Variants in CHERP observed in about 807,000 individuals in gnomAD.
CHERP encodes calcium homeostasis endoplasmic reticulum protein, also known as ERPROT 213-21.
Under a neutral mutation model 113.8 loss-of-function variants are expected in CHERP, and 8 were observed. That is an observed-to-expected ratio of 0.07 (90% CI 0.04 to 0.13). CHERP has a LOEUF of 0.13. Among genes scored for constraint, CHERP ranks in the 10% least tolerant of loss-of-function variants. The pLI, the probability that CHERP is intolerant of heterozygous loss-of-function variation, is 1.00. For missense variants in CHERP, 884 were observed against 1,298.2 expected, an observed-to-expected ratio of 0.68 and a Z score of 4.90; for synonymous variants, 559 against 524.5, an observed-to-expected ratio of 1.07 and a Z score of -0.90.
chr19:16,520,357 T>C lies in CHERP; in HGVS notation c.2345+7A>G. On this transcript the variant is annotated splice_region_variant and intron_variant, in intron 14 of 16. Transcript: ENST00000546361. This position sits in a 1 kb window ranked among gnomAD's most constrained non-coding sequence, Gnocchi z 4.0. ...TCAGGCACTGCCCTGAGGCAGCCTC[T>C]GCCTACCTAGATCTGGAGCGGGAGT... 1.9e-6 allele frequency: 3 copies of C among 1,612,120 alleles called. No individual in the cohort carries two copies. The highest frequency in any genetic ancestry group is 1.7e-6 in the Non-Finnish European group (2 of 1,178,674).
At position 16,541,943 on chromosome 19, in the gene CHERP, G is replaced by C. The variant is rs780629272; in HGVS notation, c.126C>G (p.Pro42=). The C allele has an allele frequency of 6.2e-7, 1 of 1,614,154 alleles. No individual in the cohort carries two copies. Among genetic ancestry groups the C allele is most frequent in the Admixed American group, 1.7e-5 (1 of 60,032 alleles). The change falls in exon 2 of 17, where the codon CCC becomes CCG. Residue 42 remains proline, a synonymous_variant. Transcript: ENST00000546361. ...CGCCTCCGAAAAGAAACGAGAATTT[G>C]GGGTTGTCCTTCTGCTTCTCCATAG... ...KMTMEKQKDN[P]KFSFLFGGEF... is the part of the protein sequence containing the mutation.
At position 16,518,734 on chromosome 19, in the gene CHERP, TGGA is replaced by T. The variant is rs1293701235; in HGVS notation, c.*422_*424del. Reference sequence around the variant, plus strand: ...GTCAGGGCCGGTGGGTGCGGGGAGCTGGAGGAAGGAGCTGGGGTGCCGGCTCTG... The same window carrying T: ...GTCAGGGCCGGTGGGTGCGGGGAGCTGGAAGGAGCTGGGGTGCCGGCTCTG... On this transcript the variant is annotated 3_prime_UTR_variant, in exon 17 of 17. Transcript: ENST00000546361. 8.6e-5 allele frequency: 18 copies of T among 210,338 alleles called. No individual in the cohort carries two copies. The highest frequency in any genetic ancestry group is 1.5e-4 in the Non-Finnish European group (16 of 105,986). The allele number at this position is 210,338 out of a possible 1,614,324, so 13.0% of individuals were successfully genotyped here.
chr19:16,530,734 G>C lies in CHERP; in HGVS notation c.786+35C>G, dbSNP rs202032472. The C allele has an allele frequency of 1.9e-6, 3 of 1,613,854 alleles. No homozygotes were observed. Among genetic ancestry groups the C allele is most frequent in the Non-Finnish European group, 2.5e-6 (3 of 1,179,956 alleles). ...GGGAGGGGAAAGGCCTGTGTGTCCC[G>C]GTCTTGCCCAACCCCCGGCCCGGGG... is the stretch of plus-strand genomic sequence containing the variant. On this transcript the variant is annotated intron_variant, in intron 6 of 16. Transcript: ENST00000546361. The surrounding 1 kb of genome is among the most constrained non-coding windows in gnomAD (Gnocchi z 4.1).
chr19:16,522,971 C>T, intron 11 of CHERP, 81 bp downstream of exon 11: 3 of 1,439,816 alleles, frequency 2.1e-6, no homozygotes, highest in Non-Finnish European at 2.8e-6. Flanking sequence ...GCACCCGGTC[C>T]CGTGCATTCA....
In CHERP at chr19:16,542,431, C is replaced by T; in HGVS notation, c.-53G>A. ...GCGCCACACGATCGACCACCAGCGC[C>T]GTCTGCGGAAGCCGGCCGGAAGTGG... is the stretch of plus-strand genomic sequence containing the variant. On this transcript the variant is annotated 5_prime_UTR_variant, in exon 1 of 17. Transcript: ENST00000546361. The T allele has an allele frequency of 1.5e-6, 2 of 1,311,876 alleles. No individual in the cohort carries two copies. The highest frequency in any genetic ancestry group is 3.3e-5 in the Admixed American group (1 of 30,254). 81.3% of individuals were successfully genotyped at this position (1,311,876 alleles called of 1,614,324 possible).
intron 3 of CHERP, among the ~76,000 whole-genome samples, chr19:16,534,353 T>C (rs12461136): frequency 0.083 from 12,601 of 152,208 alleles, 602 homozygotes; most frequent in Admixed American, 0.11. Context: ...CCAGCTGGAA[T>C]TTTCTGAGAG....
intron 9 of CHERP, among the ~76,000 whole-genome samples, chr19:16,526,499 G>A (rs1367212949): frequency 1.3e-5 from 2 of 152,150 alleles, no homozygotes; most frequent in Non-Finnish European, 2.9e-5. Context: ...AGACAGTCTC[G>A]CTCTGTTGCC....
chr19:16,519,612 T>C lies in CHERP; in HGVS notation c.2557+9A>G, dbSNP rs1366744934. 5.6e-6 allele frequency: 9 copies of C among 1,613,018 alleles called. No individual in the cohort carries two copies. The highest frequency in any genetic ancestry group is 2.7e-5 in the African/African-American group (2 of 74,872). ...CCCATCCCGCGCCCTCCCCATTCCC[T>C]CGCCTTACCCATCTTCACCAGCATC... On this transcript the variant is annotated intron_variant, in intron 16 of 16. Transcript: ENST00000546361. The surrounding 1 kb of genome is among the most constrained non-coding windows in gnomAD (Gnocchi z 6.0).
intron 7 of CHERP, 57 bp from the exon 8 acceptor site, chr19:16,529,957 G>A: frequency 6.4e-7 from 1 of 1,560,620 alleles, no homozygotes. Flanking sequence ...TCGCTGCCTG[G>A]CGCCAGAGGA....
intron 5 of CHERP, among the ~76,000 whole-genome samples, chr19:16,531,599 G>A (rs910523084): frequency 3.3e-5 from 5 of 152,364 alleles, no homozygotes; most frequent in African/African-American, 1.2e-4. Context: ...GGCTGGGCGA[G>A]CAGCACTTGG....
Position 16,523,072 on chromosome 19 carries a change from G to T in CHERP, c.1960C>A (p.Leu654Met). Reference protein sequence around the residue: ...NVPYFDLPAGLMAPLVKLEDH... With the variant: ...NVPYFDLPAGMMAPLVKLEDH... ...ATTACCTTCACGAGGGGGGCCATCA[G>T]CCCAGCAGGGAGATCGAAGTAGGGC... is the stretch of plus-strand genomic sequence containing the variant. The change falls in exon 11 of 17, where the codon CTG becomes ATG. Residue 654 changes from leucine to methionine, a missense_variant. Physicochemically the swap from Leu to Met is conservative, Grantham distance 15. This residue lies in a region of CHERP where 464 missense variants were observed against 590.1 expected (regional missense o/e 0.79). Coordinates refer to ENST00000546361, the MANE Select transcript of CHERP (RefSeq NM_006387.6). The surrounding 1 kb of genome is among the most constrained non-coding windows in gnomAD (Gnocchi z 4.0). 1 of 1,523,290 alleles carries T rather than the reference G, an allele frequency of 6.6e-7. No homozygotes were observed. The highest frequency in any genetic ancestry group is 8.8e-7 in the Non-Finnish European group (1 of 1,139,006). 94.4% of individuals were successfully genotyped at this position (1,523,290 alleles called of 1,614,324 possible). A position where few individuals can be genotyped will look rare whatever the true frequency, so the allele number is the denominator to read the frequency against.
At position 16,518,462 on chromosome 19, in the gene CHERP, C is replaced by T. The variant is rs906153081; in HGVS notation, c.*697G>A. The T allele has an allele frequency of 6.6e-6, 1 of 152,134 alleles. No individual in the cohort carries two copies. Among genetic ancestry groups the T allele is most frequent in the Non-Finnish European group, 1.5e-5 (1 of 68,024 alleles). 9.4% of individuals were successfully genotyped at this position (152,134 alleles called of 1,614,324 possible). A position where few individuals can be genotyped will look rare whatever the true frequency, so the allele number is the denominator to read the frequency against. ...TGGCTACATTCCAGAAAAAAAATAT[C>T]AACTTATACAACTAAAATAACTGAA... On this transcript the variant is annotated 3_prime_UTR_variant, in exon 17 of 17. Coordinates refer to ENST00000546361, the MANE Select transcript of CHERP (RefSeq NM_006387.6).
At position 16,532,806 on chromosome 19, in the gene CHERP, C is replaced by T. The variant is rs2085715720; in HGVS notation, c.523-57G>A. The T allele has an allele frequency of 8.9e-6, 14 of 1,570,546 alleles. No individual in the cohort carries two copies. The highest frequency in any genetic ancestry group is 9.5e-6 in the Non-Finnish European group (11 of 1,153,468). On this transcript the variant is annotated intron_variant, in intron 4 of 16. Coordinates refer to ENST00000546361, the MANE Select transcript of CHERP (RefSeq NM_006387.6). The surrounding 1 kb of genome is among the most constrained non-coding windows in gnomAD (Gnocchi z 4.4). Reference sequence around the variant, plus strand: ...GGGCCGCGGCTCCCCCAGGCACCCACTGCATCCCTGAGAGCGCGTCACCAT... The same window carrying T: ...GGGCCGCGGCTCCCCCAGGCACCCATTGCATCCCTGAGAGCGCGTCACCAT...
chr19:16,521,989 T>C (rs1193658340), intron 11 of CHERP, among the ~76,000 whole-genome samples: 1 of 152,242 alleles, frequency 6.6e-6, no homozygotes, highest in Non-Finnish European at 1.5e-5. Context: ...CGTCACCCTT[T>C]GCTTGCAATG....
rs376321664 is a variant in CHERP at position 16,520,420 on chromosome 19, C to T, written c.2289G>A (p.Ser763=). ...SNSRSSKSSG[S]YSRSRSRSCS... is the part of the protein sequence containing the mutation. ...AGGAGCGCGACCTTGACCTTGAGTA[C>T]GAGCCTGAAGACTTGGAGGATCTTG... Residue 763 remains serine (S), a synonymous_variant, in exon 14 of 17, where the codon TCG becomes TCA. Transcript: ENST00000546361. This position sits in a 1 kb window ranked among gnomAD's most constrained non-coding sequence, Gnocchi z 4.0. 47 of 1,614,072 alleles carry T rather than the reference C, an allele frequency of 2.9e-5. No homozygotes were observed. Among genetic ancestry groups the T allele is most frequent in the African/African-American group, 2.3e-4 (17 of 75,020 alleles).
chr19:16,521,045 C>A, intron 12 of CHERP, 133 bp from the exon 13 acceptor site: 2 of 754,778 alleles, frequency 2.6e-6, no homozygotes, highest in Admixed American at 2.0e-5. Context: ...CGAGCATGGG[C>A]GCAGTAGAGC....
At chr19:16,542,183 G>C (rs1299360192) in intron 1 of CHERP, 140 bp from the exon 2 acceptor site, 3 of 1,117,530 alleles carry the variant, frequency 2.7e-6, no homozygotes, top group Non-Finnish European at 3.7e-6. Flanking sequence ...TACGGGTCCC[G>C]ATAGGGGCCA....
chr19:16,525,182 G>C lies in CHERP; in HGVS notation c.1741+60C>G. On this transcript the variant is annotated intron_variant, in intron 10 of 16. Coordinates refer to ENST00000546361, the MANE Select transcript of CHERP (RefSeq NM_006387.6). This position sits in a 1 kb window ranked among gnomAD's most constrained non-coding sequence, Gnocchi z 6.5. ...GGGCCACAAGCAGCGCCACCAGCCT[G>C]CTCGGCAGGCGAGCCGTGGATGCCT... The C allele has an allele frequency of 7.3e-7, 1 of 1,364,810 alleles. No individual in the cohort carries two copies. The highest frequency in any genetic ancestry group is 9.5e-7 in the Non-Finnish European group (1 of 1,047,722). The allele number at this position is 1,364,810 out of a possible 1,614,324, so 84.5% of individuals were successfully genotyped here. A position where few individuals can be genotyped will look rare whatever the true frequency, so the allele number is the denominator to read the frequency against.
intron 2 of CHERP, among the ~76,000 whole-genome samples, chr19:16,537,380 C>A (rs974981425): frequency 6.6e-6 from 1 of 152,102 alleles, no homozygotes; most frequent in African/African-American, 2.4e-5. Flanking sequence ...ACGCAACCGC[C>A]GGGCAACATG....
Sources: allele counts gnomAD v4.1 joint callset (sites outside exome capture counted in the v4.1 genomes callset), GRCh38; gene constraint gnomAD v4.1.1; regional missense constraint gnomAD v4.1.1; non-coding constraint Gnocchi (gnomAD v3.1); transcripts MANE v1.5; gene names NCBI Gene and HGNC (gene_info 2026-07-23, HGNC 2026-07-21).